CCDC93: variants seen among roughly 807,000 people sequenced by gnomAD.
CCDC93 encodes the protein coiled-coil domain-containing protein 93.
In CCDC93, 61 loss-of-function variants were observed where a neutral mutation model predicts 108.2. That is an observed-to-expected ratio of 0.56 (90% CI 0.46 to 0.70). The LOEUF (loss-of-function observed/expected upper bound fraction) is 0.70, where lower values mean the gene tolerates loss of function less well. Ranked by LOEUF, CCDC93 falls within the 30% of genes least tolerant of loss-of-function variation. CCDC93 has a pLI of 0.00. For synonymous variants in CCDC93, 276 were observed against 260.4 expected (o/e 1.06, Z -0.58); for missense variants, 685 against 764.2 (o/e 0.90, Z 1.22).
At chr2:117,939,156 G>T in intron 19 of CCDC93, 45 bp from the exon 20 acceptor site, 2 of 1,202,412 alleles carry the variant, frequency 1.7e-6, no homozygotes, top group South Asian at 1.3e-5. Flanking sequence ...ACAGGTATCA[G>T]AACACCCTAC....
chr2:117,940,030 A>T (rs1280122602), intron 19 of CCDC93, among the ~76,000 whole-genome samples: 1 of 152,204 alleles, frequency 6.6e-6, no homozygotes. Context: ...ATGATCAAAT[A>T]TATGTTGAAA....
intron 11 of CCDC93, among the ~76,000 whole-genome samples, chr2:117,967,281 C>T (rs1416317609): frequency 1.3e-5 from 2 of 152,216 alleles, no homozygotes; most frequent in Non-Finnish European, 2.9e-5. Flanking sequence ...GCGTGAGCCA[C>T]CATGCCTAGC....
intron 17 of CCDC93, chr2:117,944,887 T>C (rs938706375): frequency 2.2e-5 from 10 of 457,596 alleles, no homozygotes; most frequent in Non-Finnish European, 4.5e-5. Flanking sequence ...CTCCACTTCC[T>C]TTCCTATCTC....
rs932738411 is a variant in CCDC93 at position 117,920,891 on chromosome 2, A to G, written c.1843-495T>C. 3.9e-5 allele frequency among the ~76,000 whole-genome samples: 6 copies of G among 152,190 alleles called. No individual in the cohort carries two copies. The East Asian group carries it at 1.2e-3, about 29-fold the overall frequency. On this transcript the variant is annotated intron_variant, in intron 23 of 23. Transcript: ENST00000376300. ...AAAATAGGATAAGAGATATTCATCAAGAGATAATGGGGCCGGGCGCAGTGG... is the reference window on the plus strand; with the variant it reads ...AAAATAGGATAAGAGATATTCATCAGGAGATAATGGGGCCGGGCGCAGTGG...
chr2:117,996,637 A>G (rs920075688), intron 4 of CCDC93: 10 of 276,766 alleles, frequency 3.6e-5, no homozygotes, highest in Non-Finnish European at 5.5e-5. Flanking sequence ...CTGTAAAAGT[A>G]TATCAGTTCC....
chr2:118,001,117 G>A (rs998485713), intron 3 of CCDC93, 185 bp from the exon 4 acceptor site: 11 of 507,432 alleles, frequency 2.2e-5, no homozygotes, highest in African/African-American at 5.8e-5. Context: ...TGGTGTGTAG[G>A]TGTGTGGTCA....
intron 22 of CCDC93, chr2:117,933,928 AAG>A (rs1360375524): frequency 1.3e-5 from 2 of 152,076 alleles, no homozygotes; most frequent in African/African-American, 4.8e-5. Context: ...AGACCAGAGA[AAG>A]AGAGCCCACT....
At chr2:118,006,578 T>C in intron 3 of CCDC93, 144 bp downstream of exon 3, 2 of 652,192 alleles carry the variant, frequency 3.1e-6, no homozygotes, top group Non-Finnish European at 5.6e-6. Flanking sequence ...AGTCTCAGTT[T>C]CATTTGTAAG....
chr2:117,932,042 C>T (rs1435200336), intron 22 of CCDC93, among the ~76,000 whole-genome samples: 2 of 151,946 alleles, frequency 1.3e-5, no homozygotes, highest in African/African-American at 2.4e-5. Flanking sequence ...GAAAATGACA[C>T]GGGGGGAGGT....
Position 117,931,132 on chromosome 2 carries a change from C to A in CCDC93, c.1747G>T (p.Glu583Ter). Residue 583 changes from glutamate to a stop codon, truncating the protein, a stop_gained, in exon 23 of 24, where the codon GAG becomes TAG. Transcript: ENST00000376300. LOFTEE classifies it high-confidence loss of function. ...AACTGGTCTCTTCTCATTTTGTTCT[C>A]TTGCTTTTTCTTTTCCATCTGTTGA... The part of the protein sequence containing the change: ...SRMKMEKKKQ[E>*]NKMRRDQLND... 1 of 1,613,318 alleles carries A rather than the reference C, an allele frequency of 6.2e-7. No homozygotes were observed. The highest frequency in any genetic ancestry group is 1.1e-5 in the South Asian group (1 of 91,022).
At chr2:117,995,361 T>C (rs1388872293) in intron 6 of CCDC93, 85 bp downstream of exon 6, 2 of 1,075,362 alleles carry the variant, frequency 1.9e-6, no homozygotes, top group Non-Finnish European at 2.9e-6. Flanking sequence ...GATGGAAGCC[T>C]CAGGAGCAGC....
intron 22 of CCDC93, among the ~76,000 whole-genome samples, chr2:117,933,323 T>G (rs1301085811): frequency 6.8e-6 from 1 of 146,570 alleles, no homozygotes; most frequent in Non-Finnish European, 1.5e-5. Flanking sequence ...GAAGCAGGAG[T>G]TGACTCTTTG....
chr2:117,943,795 G>C (rs1462113444), intron 18 of CCDC93, among the ~76,000 whole-genome samples: 1 of 152,180 alleles, frequency 6.6e-6, no homozygotes, highest in South Asian at 2.1e-4. Context: ...CCTGGGGTTA[G>C]GATTAACTCA....
At chr2:117,996,391 T>A (rs1230586839) in intron 4 of CCDC93, 29 bp from the exon 5 acceptor site, 10 of 1,516,442 alleles carry the variant, frequency 6.6e-6, no homozygotes, top group Non-Finnish European at 9.2e-6. Flanking sequence ...AGACAAGAGT[T>A]GCTAAGGACA....
chr2:117,976,156 C>T (rs962220725), intron 8 of CCDC93, among the ~76,000 whole-genome samples: 1 of 152,126 alleles, frequency 6.6e-6, no homozygotes, highest in Non-Finnish European at 1.5e-5. Context: ...GGGAACACTC[C>T]GAGCTCCTAA....
At chr2:117,953,425 G>C (rs1478363325) in intron 12 of CCDC93, among the ~76,000 whole-genome samples, 1 of 152,190 alleles carries the variant, frequency 6.6e-6, no homozygotes, top group African/African-American at 2.4e-5. Flanking sequence ...TTTTCAAAGA[G>C]AGCCATCTGT....
At chr2:117,965,740 C>G (rs1679543667) in intron 11 of CCDC93, among the ~76,000 whole-genome samples, 1 of 152,118 alleles carries the variant, frequency 6.6e-6, no homozygotes, top group African/African-American at 2.4e-5. Flanking sequence ...AACCCTGACT[C>G]ACGCGTAACG....
intron 7 of CCDC93, among the ~76,000 whole-genome samples, chr2:117,983,677 T>TATATATATATATAG (rs1680219440): frequency 9.4e-6 from 1 of 105,926 alleles, no homozygotes; most frequent in African/African-American, 3.8e-5. Context: ...TATATATATA[T>TATATATATATATAG]AGTCATATAA....
At chr2:117,968,616 C>T (rs1400283900) in intron 11 of CCDC93, among the ~76,000 whole-genome samples, 2 of 152,178 alleles carry the variant, frequency 1.3e-5, no homozygotes, top group African/African-American at 4.8e-5. Flanking sequence ...TTATAAGAAA[C>T]TTGTGAACTT....
Sources: gnomAD v4.1 joint callset for allele counts (sites outside exome capture counted in the v4.1 genomes callset) on GRCh38, gnomAD v4.1.1 for gene constraint, MANE v1.5 for transcripts, NCBI Gene and HGNC (gene_info 2026-07-23, HGNC 2026-07-21) for gene names.